NRXN3: variants seen among roughly 807,000 people sequenced by gnomAD.
The protein encoded by NRXN3 is neurexin 3, also known as neurexin III.
A neutral mutation model predicts 137.6 loss-of-function variants in NRXN3; 32 were observed. The ratio of observed to expected loss-of-function variants is 0.23; its 90% CI spans 0.18 to 0.31. The LOEUF (loss-of-function observed/expected upper bound fraction) is 0.31. NRXN3 is among the 10% of genes least tolerant of loss of function. The pLI is 1.00. For synonymous variants in NRXN3, 798 were observed against 784.5 expected (o/e 1.02, Z -0.29); for missense variants, 1,574 against 2,062.5 (o/e 0.76, Z 4.59).
chr14:78,755,921 G>A (rs1483779836), intron 8 of NRXN3, among the ~76,000 whole-genome samples: 3 of 152,178 alleles, frequency 2.0e-5, no homozygotes, highest in Admixed American at 6.5e-5. Context: ...GGCAGGCAGT[G>A]ACATATGCAA....
chr14:78,266,746 G>T (rs2071809873), intron 2 of NRXN3, among the ~76,000 whole-genome samples: 1 of 152,126 alleles, frequency 6.6e-6, no homozygotes, highest in Admixed American at 6.5e-5. Context: ...CTCAAAAAAA[G>T]ATTCTTTTAG....
chr14:79,204,267 G>A (rs2066477062), intron 15 of NRXN3, among the ~76,000 whole-genome samples: 1 of 151,542 alleles, frequency 6.6e-6, no homozygotes, highest in Non-Finnish European at 1.5e-5. Context: ...GCTTGCTCTG[G>A]TATATGGAAG....
chr14:78,436,127 T>C (rs1278989214), intron 4 of NRXN3, among the ~76,000 whole-genome samples: 2 of 152,114 alleles, frequency 1.3e-5, no homozygotes, highest in Admixed American at 1.3e-4. Flanking sequence ...TAACTGGGTT[T>C]TAGAGGCAGT....
intron 1 of NRXN3, among the ~76,000 whole-genome samples, chr14:78,205,989 T>C (rs779181843): frequency 1.6e-4 from 24 of 152,072 alleles, no homozygotes; most frequent in Non-Finnish European, 2.9e-4. Flanking sequence ...GGGAAGAGTT[T>C]GTATTGAGCA....
chr14:78,785,395 G>A (rs1321486497), intron 8 of NRXN3, among the ~76,000 whole-genome samples: 3 of 152,124 alleles, frequency 2.0e-5, no homozygotes, highest in Non-Finnish European at 4.4e-5. Context: ...CTGCTGCAGC[G>A]CTATTCTTGG....
intron 10 of NRXN3, among the ~76,000 whole-genome samples, chr14:78,937,923 C>A (rs2099345267): frequency 6.6e-6 from 1 of 152,232 alleles, no homozygotes; most frequent in East Asian, 1.9e-4. Flanking sequence ...AACCTACTAG[C>A]ATTAAGTTGC....
intron 16 of NRXN3, among the ~76,000 whole-genome samples, chr14:79,499,755 C>T (rs1299371168): frequency 1.3e-5 from 2 of 152,058 alleles, no homozygotes; most frequent in Non-Finnish European, 2.9e-5. Context: ...CCCTTCATAC[C>T]AGCCACCCTA....
At position 78,863,079 on chromosome 14, in the gene NRXN3, A is replaced by T. The variant is rs139707238; in HGVS notation, c.2275+52735A>T. Among the ~76,000 whole-genome samples, 24 of 152,272 alleles carry T rather than the reference A, an allele frequency of 1.6e-4. No individual in the cohort carries two copies. In the East Asian group the frequency reaches 4.4e-3, roughly 28 times the overall value. On this transcript the variant is annotated intron_variant, in intron 10 of 20. Coordinates refer to ENST00000335750, the MANE Select transcript of NRXN3 (RefSeq NM_001330195.2). ...CGTATTTAAGCTAAACTCCTGCCCAAGATGCAGGATGATGAAGTCCTTTAT... is the reference window on the plus strand; with the variant it reads ...CGTATTTAAGCTAAACTCCTGCCCATGATGCAGGATGATGAAGTCCTTTAT...
intron 16 of NRXN3, among the ~76,000 whole-genome samples, chr14:79,611,993 C>T (rs894900375): frequency 6.6e-6 from 1 of 152,072 alleles, no homozygotes; most frequent in Admixed American, 6.6e-5. Context: ...TAACATATAG[C>T]AAATCAAACT....
At chr14:79,407,204 T>G (rs756334481) in intron 15 of NRXN3, among the ~76,000 whole-genome samples, 15 of 152,312 alleles carry the variant, frequency 9.8e-5, no homozygotes, top group Admixed American at 4.6e-4. Context: ...TGTCTCCATA[T>G]TTGACTTTCT....
intron 16 of NRXN3, among the ~76,000 whole-genome samples, chr14:79,541,331 G>A (rs890412631): frequency 6.6e-6 from 1 of 152,076 alleles, no homozygotes; most frequent in Non-Finnish European, 1.5e-5. Flanking sequence ...TGAAACCCAG[G>A]AGGCGGAGGT....
At chr14:78,830,041 G>C (rs2098977484) in intron 10 of NRXN3, among the ~76,000 whole-genome samples, 1 of 152,070 alleles carries the variant, frequency 6.6e-6, no homozygotes, top group Non-Finnish European at 1.5e-5. Context: ...ATAGCCAGAG[G>C]GGGAAATCAG....
chr14:78,793,219 A>T lies in NRXN3; in HGVS notation c.2045-10401A>T, dbSNP rs1000039197. Among the ~76,000 whole-genome samples, 5 of 152,280 alleles carry T rather than the reference A, an allele frequency of 3.3e-5. No homozygotes were observed. In the East Asian group the frequency reaches 9.7e-4, roughly 29 times the overall value. The stretch of plus-strand genomic sequence containing the variant: ...ACTAACTTATTTTTAACTTGAATCT[A>T]TACTCCCCCCAAAAAATAAAAGACA... On this transcript the variant is annotated intron_variant, in intron 8 of 20. Coordinates refer to ENST00000335750, the MANE Select transcript of NRXN3 (RefSeq NM_001330195.2).
intron 15 of NRXN3, among the ~76,000 whole-genome samples, chr14:79,438,000 C>G (rs746917111): frequency 2.0e-5 from 3 of 152,098 alleles, no homozygotes; most frequent in Admixed American, 2.0e-4. Context: ...TTTTGTACCC[C>G]CAGGCCTCAG....
chr14:79,577,446 G>C (rs536034607), intron 16 of NRXN3, among the ~76,000 whole-genome samples: 62 of 152,074 alleles, frequency 4.1e-4, no homozygotes, highest in African/African-American at 1.5e-3. Flanking sequence ...TAGTTTTGCT[G>C]CATCATTTTT....
intron 10 of NRXN3, among the ~76,000 whole-genome samples, chr14:78,952,059 C>T (rs947676378): frequency 6.6e-6 from 1 of 152,134 alleles, no homozygotes; most frequent in Non-Finnish European, 1.5e-5. Context: ...GTCTTTCTCA[C>T]ACCTCCCTGG....
At position 79,697,816 on chromosome 14, in the gene NRXN3, C is replaced by T. The variant is rs1346114756; in HGVS notation, c.3893C>T (p.Ser1298Leu). 1 of 1,613,198 alleles carries T rather than the reference C, an allele frequency of 6.2e-7. No homozygotes were observed. The highest frequency in any genetic ancestry group is 2.2e-5 in the East Asian group (1 of 44,822). ...GSVRLVGEVP[S>L]ILGTTQTTSM... Reference sequence around the variant, plus strand: ...GTTCGGCTGGTTGGAGAAGTCCCATCAATTTTGGGAACAACACAGACGACC... The same window carrying T: ...GTTCGGCTGGTTGGAGAAGTCCCATTAATTTTGGGAACAACACAGACGACC... Residue 1298 changes from serine to leucine, a missense_variant, in exon 19 of 21, where the codon TCA becomes TTA. Coordinates refer to ENST00000335750, the MANE Select transcript of NRXN3 (RefSeq NM_001330195.2).
Position 78,224,038 on chromosome 14 carries a change from C to T in NRXN3, c.-703-18353C>T, listed in dbSNP as rs537797924. ...GCCACCTTATTAGTCTGTCTGTGTCCTGCTGTATTCCTTTCAAAACCGGGT... is the reference window on the plus strand; with the variant it reads ...GCCACCTTATTAGTCTGTCTGTGTCTTGCTGTATTCCTTTCAAAACCGGGT... On this transcript the variant is annotated intron_variant, in intron 1 of 20. Transcript: ENST00000335750. Among the ~76,000 whole-genome samples the T allele has an allele frequency of 2.0e-5, 3 of 152,142 alleles. No individual in the cohort carries two copies. In the South Asian group the frequency reaches 6.2e-4, roughly 32 times the overall value.
intron 1 of NRXN3, among the ~76,000 whole-genome samples, chr14:78,174,133 T>C (rs2059033311): frequency 6.6e-6 from 1 of 151,000 alleles, no homozygotes; most frequent in Non-Finnish European, 1.5e-5. Flanking sequence ...ACATTAATAA[T>C]TTTTTTTGAC....
Sources: allele counts gnomAD v4.1 joint callset (sites outside exome capture counted in the v4.1 genomes callset), GRCh38; gene constraint gnomAD v4.1.1; transcripts MANE v1.5; gene names NCBI Gene and HGNC (gene_info 2026-07-23, HGNC 2026-07-21).